TPST1: variants seen among roughly 807,000 people sequenced by gnomAD.
TPST1 encodes tyrosylprotein sulfotransferase 1.
Under a neutral mutation model 34.8 loss-of-function variants are expected in TPST1, and 20 were observed. The observed-to-expected ratio is 0.57, with a 90% CI of 0.40 to 0.84. TPST1 has a LOEUF of 0.84. TPST1 is among the 40% of genes least tolerant of loss of function. The pLI, the probability that TPST1 is intolerant of heterozygous loss-of-function variation, is 0.00. For synonymous variants in TPST1, 152 were observed against 159.4 expected (o/e 0.95, Z 0.35); for missense variants, 353 against 455.5 (o/e 0.78, Z 2.05).
intron 2 of TPST1, among the ~76,000 whole-genome samples, chr7:66,265,317 A>C (rs2115751202): frequency 6.6e-6 from 1 of 152,278 alleles, no homozygotes; most frequent in Middle Eastern, 3.4e-3. Context: ...TGGGAGACCA[A>C]AACAGGCAGG....
intron 2 of TPST1, among the ~76,000 whole-genome samples, chr7:66,284,162 A>G (rs1790985460): frequency 6.6e-6 from 1 of 152,184 alleles, no homozygotes; most frequent in Non-Finnish European, 1.5e-5. Flanking sequence ...TCTTTTTCAG[A>G]CAAGAAATGA....
chr7:66,203,975 A>G (rs1789068545), upstream of TPST1, among the ~76,000 whole-genome samples: 4 of 152,024 alleles, frequency 2.6e-5, no homozygotes, highest in Admixed American at 2.6e-4. Context: ...CCAGGAGTTC[A>G]AGATCAGCCT....
At chr7:66,358,551 A>G (rs1223205338) in intron 5 of TPST1, among the ~76,000 whole-genome samples, 1 of 152,150 alleles carries the variant, frequency 6.6e-6, no homozygotes, top group East Asian at 1.9e-4. Context: ...GTGAGAAAAC[A>G]GGTTGAATGT....
chr7:66,232,199 A>T (rs1789811734), intron 1 of TPST1, among the ~76,000 whole-genome samples: 1 of 137,632 alleles, frequency 7.3e-6, no homozygotes, highest in African/African-American at 2.7e-5. Context: ...TTATTAAAAA[A>T]AATTTTTTTT....
At chr7:66,238,725 A>G (rs1408163464) in intron 1 of TPST1, among the ~76,000 whole-genome samples, 1 of 152,168 alleles carries the variant, frequency 6.6e-6, no homozygotes, top group Non-Finnish European at 1.5e-5. Flanking sequence ...ACATATCTAG[A>G]TTGGTGTTTG....
intron 3 of TPST1, among the ~76,000 whole-genome samples, chr7:66,331,218 G>C (rs962802388): frequency 5.3e-5 from 8 of 152,186 alleles, no homozygotes; most frequent in East Asian, 1.9e-4. Flanking sequence ...GCAAGATAGA[G>C]TGCTCAAGAC....
chr7:66,199,989 C>G, the TPST1 span, among the ~76,000 whole-genome samples: 1 of 151,342 alleles, frequency 6.6e-6, no homozygotes, highest in African/African-American at 2.4e-5. Flanking sequence ...TTCGGCCTCC[C>G]AAAGTGCTGG....
chr7:66,307,410 G>A (rs1000310027), intron 3 of TPST1, among the ~76,000 whole-genome samples: 2 of 152,106 alleles, frequency 1.3e-5, no homozygotes, highest in Non-Finnish European at 2.9e-5. Context: ...GAGCCACTGC[G>A]CCCGGCCCAC....
Position 66,356,855 on chromosome 7 carries a change from C to A in TPST1, c.*13C>A, listed in dbSNP as rs1792592347. ...GCAAGTGGAGTAGCAGAACCAGGAG[C>A]CTCTTCCATACATGAGGTGAGGGTT... On this transcript the variant is annotated 3_prime_UTR_variant, in exon 5 of 6. Transcript: ENST00000304842. 3 of 1,614,032 alleles carry A rather than the reference C, an allele frequency of 1.9e-6. No individual in the cohort carries two copies. In the South Asian group the frequency reaches 3.3e-5, roughly 18 times the overall value.
At chr7:66,201,410 G>T (rs533746320), upstream of TPST1, among the ~76,000 whole-genome samples, 53 of 150,324 alleles carry the variant, frequency 3.5e-4, no homozygotes, top group African/African-American at 1.3e-3. Flanking sequence ...AAAGTAAAAG[G>T]CTGGGCACGG....
chr7:66,271,053 T>G (rs1385141074), intron 2 of TPST1, among the ~76,000 whole-genome samples: 1 of 152,228 alleles, frequency 6.6e-6, no homozygotes, highest in East Asian at 1.9e-4. Context: ...TTTTGCTTTT[T>G]TGGGGCCAGT....
intron 2 of TPST1, among the ~76,000 whole-genome samples, chr7:66,260,175 T>C (rs1790460256): frequency 6.6e-6 from 1 of 152,228 alleles, no homozygotes; most frequent in South Asian, 2.1e-4. Flanking sequence ...TTGGATTATT[T>C]TGGATTTTGA....
intron 3 of TPST1, among the ~76,000 whole-genome samples, chr7:66,293,917 A>G (rs373086238): frequency 6.6e-6 from 1 of 152,230 alleles, no homozygotes; most frequent in Non-Finnish European, 1.5e-5. Flanking sequence ...CGTCTTTACA[A>G]TATATTATTT....
At chr7:66,235,593 G>C (rs2116375998) in intron 1 of TPST1, among the ~76,000 whole-genome samples, 1 of 152,222 alleles carries the variant, frequency 6.6e-6, no homozygotes, top group South Asian at 2.1e-4. Context: ...CTGTATTGAA[G>C]TGTAATTTAT....
the TPST1 span, among the ~76,000 whole-genome samples, chr7:66,199,304 T>TTTC: frequency 3.4e-5 from 5 of 149,052 alleles, no homozygotes; most frequent in African/African-American, 1.2e-4. Flanking sequence ...CTTTTTTTTT[T>TTTC]TTTTTTTTGA....
chr7:66,256,028 A>G (rs1447244281), intron 2 of TPST1, among the ~76,000 whole-genome samples: 1 of 152,118 alleles, frequency 6.6e-6, no homozygotes, highest in Non-Finnish European at 1.5e-5. Context: ...CATTAATGAT[A>G]TTTTTCTATA....
intron 1 of TPST1, among the ~76,000 whole-genome samples, chr7:66,231,101 A>G (rs1461641857): frequency 1.3e-5 from 2 of 152,082 alleles, no homozygotes; most frequent in Non-Finnish European, 2.9e-5. Context: ...AAGGTTCTCC[A>G]AGGCCCCACC....
intron 1 of TPST1, among the ~76,000 whole-genome samples, chr7:66,217,072 G>A (rs1343757226): frequency 6.6e-6 from 1 of 152,010 alleles, no homozygotes; most frequent in Non-Finnish European, 1.5e-5. Flanking sequence ...TATGTTTTCA[G>A]TGGTTTAAAT....
intron 1 of TPST1, among the ~76,000 whole-genome samples, chr7:66,218,704 G>A (rs919641459): frequency 2.0e-5 from 3 of 152,068 alleles, no homozygotes; most frequent in Admixed American, 6.6e-5. Flanking sequence ...AACGTTAGCT[G>A]GGTGTGGTGG....
Sources: gnomAD v4.1 joint callset for allele counts (sites outside exome capture counted in the v4.1 genomes callset) on GRCh38, gnomAD v4.1.1 for gene constraint, MANE v1.5 for transcripts, NCBI Gene and HGNC (gene_info 2026-07-23, HGNC 2026-07-21) for gene names.